Variants in DDX4 observed in about 807,000 individuals in gnomAD.
The protein encoded by DDX4 is DEAD-box helicase 4.
DDX4 carries 25 observed loss-of-function variants against 100.0 expected under a neutral mutation model. The observed-to-expected ratio is 0.25, with a 90% confidence interval of 0.18 to 0.35. The LOEUF (loss-of-function observed/expected upper bound fraction) is 0.35, where lower values mean the gene tolerates loss of function less well. DDX4 is among the 10% of genes least tolerant of loss of function. The pLI is 1.00. For synonymous variants in DDX4, 259 were observed against 275.7 expected, an observed-to-expected ratio of 0.94 and a Z score of 0.60; for missense variants, 635 against 882.4, an observed-to-expected ratio of 0.72 and a Z score of 3.55.
intron 2 of DDX4, chr5:55,741,935 C>G (rs62363611): frequency 0.011 from 2,955 of 273,084 alleles, 17 homozygotes; most frequent in Non-Finnish European, 0.017. Flanking sequence ...CTGGCCTTCT[C>G]TTTTATAGCG....
chr5:55,743,100 C>T (rs926450189), intron 2 of DDX4, among the ~76,000 whole-genome samples: 3 of 152,140 alleles, frequency 2.0e-5, no homozygotes, highest in African/African-American at 7.2e-5. Context: ...AACTGGGTAA[C>T]TTAAAGCAAC....
At chr5:55,761,902 G>T (rs975984001) in intron 4 of DDX4, among the ~76,000 whole-genome samples, 2 of 152,238 alleles carry the variant, frequency 1.3e-5, no homozygotes, top group South Asian at 4.2e-4. Flanking sequence ...GAGCCACCAC[G>T]CCTGGACTGT....
intron 18 of DDX4, among the ~76,000 whole-genome samples, chr5:55,810,669 C>G (rs908013298): frequency 6.6e-6 from 1 of 152,068 alleles, no homozygotes; most frequent in Non-Finnish European, 1.5e-5. Flanking sequence ...AGTAATACAT[C>G]TAAAAAAAAT....
At chr5:55,806,690 C>G (rs1262934503) in intron 18 of DDX4, among the ~76,000 whole-genome samples, 2 of 152,122 alleles carry the variant, frequency 1.3e-5, no homozygotes, top group Non-Finnish European at 1.5e-5. Context: ...GTCTGAGAGA[C>G]AGTTTGTTAT....
chr5:55,765,774 T>G (rs1421404448), intron 6 of DDX4, among the ~76,000 whole-genome samples: 1 of 152,072 alleles, frequency 6.6e-6, no homozygotes, highest in East Asian at 1.9e-4. Flanking sequence ...TGTGATACAT[T>G]TAGAACACGG....
intron 7 of DDX4, among the ~76,000 whole-genome samples, chr5:55,769,176 A>T (rs1167644612): frequency 6.6e-6 from 1 of 152,074 alleles, no homozygotes; most frequent in African/African-American, 2.4e-5. Context: ...TGGCATCTTC[A>T]TCACAGAATC....
chr5:55,779,814 G>A, intron 7 of DDX4, 150 bp from the exon 8 acceptor site: 2 of 1,311,546 alleles, frequency 1.5e-6, no homozygotes, highest in Non-Finnish European at 2.0e-6. Flanking sequence ...CACTTAATAG[G>A]TCAAAATGTC....
At chr5:55,812,299 C>T (rs1390532861) in intron 18 of DDX4, among the ~76,000 whole-genome samples, 2 of 152,104 alleles carry the variant, frequency 1.3e-5, no homozygotes, top group African/African-American at 4.8e-5. Flanking sequence ...CGGTGGTTCA[C>T]GCCTGTAATC....
At chr5:55,755,406 T>TA (rs1759861586) in intron 3 of DDX4, among the ~76,000 whole-genome samples, 2 of 152,192 alleles carry the variant, frequency 1.3e-5, no homozygotes, top group Non-Finnish European at 1.5e-5. Context: ...TTTTTAGAAT[T>TA]ACTGATTTCT....
intron 19 of DDX4, among the ~76,000 whole-genome samples, chr5:55,814,585 G>A (rs987986672): frequency 5.3e-5 from 8 of 151,824 alleles, no homozygotes; most frequent in Admixed American, 3.9e-4. Context: ...CTGCTTCCCC[G>A]GTTCAAGTGA....
chr5:55,766,700 A>G (rs190877084), intron 6 of DDX4, among the ~76,000 whole-genome samples: 1 of 152,256 alleles, frequency 6.6e-6, no homozygotes, highest in East Asian at 1.9e-4. Context: ...ACTTTCACAC[A>G]GGAACTTAGC....
intron 10 of DDX4, 162 bp downstream of exon 10, chr5:55,782,143 T>C (rs567248917): frequency 1.4e-6 from 1 of 714,218 alleles, no homozygotes; most frequent in South Asian, 1.9e-5. Flanking sequence ...ACACAGCCTG[T>C]TTTAGATAGT....
intron 17 of DDX4, among the ~76,000 whole-genome samples, chr5:55,797,138 C>T (rs1458570720): frequency 6.6e-6 from 1 of 152,034 alleles, no homozygotes; most frequent in Non-Finnish European, 1.5e-5. Flanking sequence ...GCCACTGTGC[C>T]CCGCCTCAAA....
chr5:55,781,289 G>T, intron 9 of DDX4, 143 bp downstream of exon 9: 2 of 555,858 alleles, frequency 3.6e-6, no homozygotes, highest in South Asian at 4.2e-5. Context: ...AAAAATATGT[G>T]GACAATTTTG....
intron 18 of DDX4, among the ~76,000 whole-genome samples, chr5:55,799,042 T>C (rs1743138797): frequency 6.6e-6 from 1 of 152,198 alleles, no homozygotes; most frequent in Non-Finnish European, 1.5e-5. Flanking sequence ...GAATTTTTTT[T>C]TCTCCTCTAC....
intron 10 of DDX4, among the ~76,000 whole-genome samples, chr5:55,782,881 C>T (rs1208704268): frequency 1.6e-4 from 23 of 145,440 alleles, no homozygotes; most frequent in Non-Finnish European, 2.6e-4. Flanking sequence ...CTGCAACTAT[C>T]GCCTCCAGAG....
intron 15 of DDX4, among the ~76,000 whole-genome samples, chr5:55,789,223 A>G (rs141365963): frequency 1.1e-3 from 173 of 152,322 alleles, no homozygotes; most frequent in African/African-American, 3.8e-3. Context: ...CTTTGCCAAC[A>G]TTTAGTTATC....
intron 3 of DDX4, among the ~76,000 whole-genome samples, chr5:55,748,971 G>A (rs1759393719): frequency 6.6e-6 from 1 of 152,084 alleles, no homozygotes; most frequent in Non-Finnish European, 1.5e-5. Context: ...ATTGTATTTA[G>A]ACATGCGTCT....
intron 7 of DDX4, among the ~76,000 whole-genome samples, chr5:55,776,540 A>G (rs1454764466): frequency 6.6e-6 from 1 of 152,268 alleles, no homozygotes; most frequent in African/African-American, 2.4e-5. Context: ...GAAAAAAGGT[A>G]GATTCACCTT....
Sources: gnomAD v4.1 joint callset for allele counts (sites outside exome capture counted in the v4.1 genomes callset) on GRCh38, gnomAD v4.1.1 for gene constraint, MANE v1.5 for transcripts, NCBI Gene and HGNC (gene_info 2026-07-23, HGNC 2026-07-21) for gene names.